TTC28: variants seen among roughly 807,000 people sequenced by gnomAD.
TTC28 encodes tetratricopeptide repeat domain 28.
TTC28 carries 61 observed loss-of-function variants against 198.0 expected under a neutral mutation model. The ratio of observed to expected loss-of-function variants is 0.31; its 90% CI spans 0.25 to 0.38. TTC28 has a LOEUF of 0.38. Ranked by LOEUF, TTC28 falls within the 10% of genes least tolerant of loss-of-function variation. TTC28 has a pLI of 1.00. For missense variants in TTC28, 2,678 were observed against 3,164.0 expected, an observed-to-expected ratio of 0.85 and a Z score of 3.69; for synonymous variants, 1,171 against 1,297.8, an observed-to-expected ratio of 0.90 and a Z score of 2.10.
chr22:28,401,694 G>A (rs947246585), intron 2 of TTC28, among the ~76,000 whole-genome samples: 1 of 152,140 alleles, frequency 6.6e-6, no homozygotes, highest in African/African-American at 2.4e-5. Flanking sequence ...GGGAGACTGA[G>A]ACAAGATGAT....
In TTC28 at chr22:27,978,461, GTTC is replaced by G. The variant is rs1442412032; in HGVS notation, c.*3757_*3759del. On this transcript the variant is annotated 3_prime_UTR_variant, in exon 23 of 23. Transcript: ENST00000397906. ...CTGAACTGAAATTATCAAGGCTACA[GTTC>G]TTCTTGTGGGTCTGCAAATGTGTGT... 4.6e-5 allele frequency: 7 copies of G among 152,408 alleles called. No individual in the cohort carries two copies. The highest frequency in any genetic ancestry group is 1.9e-4 in the East Asian group (1 of 5,196). The allele number at this position is 152,408 out of a possible 1,614,324, so 9.4% of individuals were successfully genotyped here. A position where few individuals can be genotyped will look rare whatever the true frequency, so the allele number is the denominator to read the frequency against.
intron 2 of TTC28, among the ~76,000 whole-genome samples, chr22:28,558,986 G>A (rs1464862798): frequency 6.6e-6 from 1 of 151,362 alleles, no homozygotes; most frequent in Admixed American, 6.6e-5. Flanking sequence ...AGTGAGCCGA[G>A]ATCACGCCAC....
rs542853108 is a variant in TTC28 at position 28,411,907 on chromosome 22, A to T, written c.382-105264T>A. ...GGATCCTGCTCTCCAGAAGTTCTATACCCTGCTGGTTGCCTAAAATAAAAA... is the reference window on the plus strand; with the variant it reads ...GGATCCTGCTCTCCAGAAGTTCTATTCCCTGCTGGTTGCCTAAAATAAAAA... On this transcript the variant is annotated intron_variant, in intron 2 of 22. Transcript: ENST00000397906. Among the ~76,000 whole-genome samples, 8 of 152,322 alleles carry T rather than the reference A, an allele frequency of 5.3e-5. No homozygotes were observed. The East Asian group carries it at 9.6e-4, about 18-fold the overall frequency.
chr22:28,039,205 G>A (rs1264621971), intron 12 of TTC28, among the ~76,000 whole-genome samples: 3 of 152,104 alleles, frequency 2.0e-5, no homozygotes, highest in Non-Finnish European at 1.5e-5. Context: ...ATGCTGCTAT[G>A]AAGACACATG....
intron 5 of TTC28, among the ~76,000 whole-genome samples, chr22:28,165,015 G>A (rs1272053337): frequency 6.6e-6 from 1 of 152,186 alleles, no homozygotes; most frequent in South Asian, 2.1e-4. Flanking sequence ...CATGGCATGA[G>A]AACTACGTGA....
At chr22:27,992,350 C>T in intron 19 of TTC28, 1 of 555,092 alleles carries the variant, frequency 1.8e-6, no homozygotes. Flanking sequence ...TCCCATCATG[C>T]CGGTAAGGGG....
chr22:28,127,537 A>T (rs1259244156), intron 6 of TTC28, among the ~76,000 whole-genome samples: 1 of 152,218 alleles, frequency 6.6e-6, no homozygotes, highest in Admixed American at 6.5e-5. Context: ...AAACTGAGAT[A>T]TGCAGTAATG....
chr22:28,424,852 C>A (rs1433761478), intron 2 of TTC28, among the ~76,000 whole-genome samples: 1 of 152,212 alleles, frequency 6.6e-6, no homozygotes, highest in Non-Finnish European at 1.5e-5. Context: ...TTTGCTACCA[C>A]TAAAGCATGT....
At chr22:28,678,698 G>A (rs2052040905) in intron 1 of TTC28, among the ~76,000 whole-genome samples, 1 of 152,114 alleles carries the variant, frequency 6.6e-6, no homozygotes, top group Non-Finnish European at 1.5e-5. Context: ...CTCCTATGCT[G>A]CACTCTCCCT....
Position 28,506,430 on chromosome 22 carries a change from G to C in TTC28, c.381+123122C>G, listed in dbSNP as rs1319625930. ...TCTCTCCCTGGGACAGAGCTCCCGG[G>C]GGGAGGGGTGGCTGCCATCTCAGTG... On this transcript the variant is annotated intron_variant, in intron 2 of 22. Transcript: ENST00000397906. 5.3e-5 allele frequency among the ~76,000 whole-genome samples: 8 copies of C among 152,006 alleles called. No homozygotes were observed. The East Asian group carries it at 5.8e-4, about 11-fold the overall frequency.
chr22:28,674,741 C>G (rs940746116), intron 1 of TTC28, among the ~76,000 whole-genome samples: 1 of 150,460 alleles, frequency 6.6e-6, no homozygotes, highest in African/African-American at 2.4e-5. Flanking sequence ...ATCACTTGAA[C>G]CCAGGAGGCA....
At chr22:28,484,168 A>T in intron 2 of TTC28, among the ~76,000 whole-genome samples, 1 of 152,090 alleles carries the variant, frequency 6.6e-6, no homozygotes, top group South Asian at 2.1e-4. Context: ...TCTGCCACCC[A>T]GGCTGAATGC....
intron 5 of TTC28, among the ~76,000 whole-genome samples, chr22:28,194,008 T>A (rs1470392835): frequency 6.6e-6 from 1 of 152,100 alleles, no homozygotes; most frequent in East Asian, 1.9e-4. Flanking sequence ...CACATCACAC[T>A]TATTCCAAAA....
At chr22:28,355,560 A>G (rs1024062797) in intron 2 of TTC28, among the ~76,000 whole-genome samples, 2 of 152,210 alleles carry the variant, frequency 1.3e-5, no homozygotes, top group African/African-American at 2.4e-5. Context: ...AGAGATTATT[A>G]TCCATTTCAC....
intron 2 of TTC28, among the ~76,000 whole-genome samples, chr22:28,435,957 C>T (rs2047513096): frequency 6.6e-6 from 1 of 152,160 alleles, no homozygotes; most frequent in Non-Finnish European, 1.5e-5. Context: ...CATCTCCTCC[C>T]CCTGTTTTTA....
At chr22:28,432,193 G>T (rs2047441758) in intron 2 of TTC28, among the ~76,000 whole-genome samples, 1 of 151,760 alleles carries the variant, frequency 6.6e-6, no homozygotes, top group Non-Finnish European at 1.5e-5. Context: ...GGCTGAGGCA[G>T]AAGAATGGCG....
At chr22:28,660,251 T>C (rs898296159) in intron 1 of TTC28, among the ~76,000 whole-genome samples, 3 of 152,224 alleles carry the variant, frequency 2.0e-5, no homozygotes, top group Admixed American at 1.3e-4. Context: ...AAATTGATTC[T>C]TCCTCATCAA....
intron 2 of TTC28, among the ~76,000 whole-genome samples, chr22:28,354,048 T>G (rs892107172): frequency 2.0e-4 from 31 of 152,136 alleles, no homozygotes; most frequent in African/African-American, 7.2e-4. Context: ...CTGGTGAGAA[T>G]GTAGAGAAAT....
At chr22:28,031,432 G>GAGGGCACC in intron 12 of TTC28, among the ~76,000 whole-genome samples, 1 of 152,344 alleles carries the variant, frequency 6.6e-6, no homozygotes, top group East Asian at 1.9e-4. Context: ...TGAAGAAGTG[G>GAGGGCACC]AGGGCACCAG....
Sources: allele counts gnomAD v4.1 joint callset (sites outside exome capture counted in the v4.1 genomes callset), GRCh38; gene constraint gnomAD v4.1.1; transcripts MANE v1.5; gene names NCBI Gene and HGNC (gene_info 2026-07-23, HGNC 2026-07-21).